The following SCGB2B2 variants were observed in gnomAD, a reference collection of about 807,000 sequenced individuals.
SCGB2B2 encodes the protein secretoglobin family 2B member 2, also known as secretoglobin-like protein.
SCGB2B2 carries 11 observed loss-of-function variants against 7.6 expected under a neutral mutation model. The observed-to-expected ratio is 1.45, with a 90% confidence interval of 0.91 to 2.40. SCGB2B2 has a LOEUF of 2.40. Among genes scored for constraint, SCGB2B2 ranks in the 30% most tolerant of loss-of-function variants. The pLI is 0.00. For missense variants in SCGB2B2, 104 were observed against 115.4 expected (o/e 0.90, Z 0.45); for synonymous variants, 50 against 48.6 (o/e 1.03, Z -0.12).
In SCGB2B2 at chr19:34,591,936, G is replaced by C. The variant is rs2065306686; in HGVS notation, c.*1619C>G. Reference sequence around the variant, plus strand: ...TCTTCACCTTGGATGTGAACTTCAGGGAAGCAGGGCCGTCACCTGCCTTGT... The same window carrying C: ...TCTTCACCTTGGATGTGAACTTCAGCGAAGCAGGGCCGTCACCTGCCTTGT... On this transcript the variant is annotated 3_prime_UTR_variant, in exon 4 of 4. Coordinates refer to ENST00000601241, the MANE Select transcript of SCGB2B2 (RefSeq NM_001025591.4). Among the ~76,000 whole-genome samples, 3 of 152,208 alleles carry C rather than the reference G, an allele frequency of 2.0e-5. No homozygotes were observed. The highest frequency in any genetic ancestry group is 7.2e-5 in the African/African-American group (3 of 41,454).
chr19:34,659,864 C>A (rs1225301609), intron 1 of SCGB2B2, among the ~76,000 whole-genome samples: 1 of 152,166 alleles, frequency 6.6e-6, no homozygotes, highest in African/African-American at 2.4e-5. Context: ...AAGATGGAGG[C>A]ATCATGCTAC....
At chr19:34,639,339 C>T (rs1217474468) in intron 1 of SCGB2B2, among the ~76,000 whole-genome samples, 1 of 152,164 alleles carries the variant, frequency 6.6e-6, no homozygotes, top group Admixed American at 6.5e-5. Flanking sequence ...ACTTGTTTTC[C>T]TACACTTGCT....
chr19:34,601,755 A>G (rs962258296), intron 1 of SCGB2B2, among the ~76,000 whole-genome samples: 5 of 152,152 alleles, frequency 3.3e-5, no homozygotes, highest in Admixed American at 6.5e-5. Context: ...TCTAATGCCT[A>G]TTTGTTTATT....
intron 1 of SCGB2B2, among the ~76,000 whole-genome samples, chr19:34,653,980 G>GAAAA (rs386388914): frequency 2.0e-5 from 3 of 147,594 alleles, no homozygotes; most frequent in Non-Finnish European, 4.5e-5. Flanking sequence ...AACGAGGCAA[G>GAAAA]AAAAAAAAAG....
intron 1 of SCGB2B2, chr19:34,640,599 T>A (rs1009345250): frequency 3.9e-5 from 6 of 152,248 alleles, no homozygotes; most frequent in African/African-American, 7.2e-5. Context: ...TTTTTTTAAC[T>A]CTGGTAAAAT....
rs563618347 is a variant in SCGB2B2, at chr19:34,654,920, T to C, written c.-2032+20710A>G. ...AATGCCACGGTCTCCCTGAATTGAT[T>C]TGTTTGTGCAGCAGGCAGGAAGAAT... On this transcript the variant is annotated intron_variant, in intron 1 of 3. Transcript: ENST00000601241. 1.2e-4 allele frequency among the ~76,000 whole-genome samples: 18 copies of C among 151,364 alleles called. 1 individual carries two copies. Among genetic ancestry groups the C allele is most frequent in the African/African-American group, 4.4e-4 (18 of 40,662 alleles).
At chr19:34,604,732 T>C (rs767886144) in intron 1 of SCGB2B2, among the ~76,000 whole-genome samples, 1 of 152,234 alleles carries the variant, frequency 6.6e-6, no homozygotes, top group African/African-American at 2.4e-5. Context: ...CTCTAATACA[T>C]GGTCAATTTT....
At position 34,594,876 on chromosome 19, in the gene SCGB2B2, A is replaced by G; in HGVS notation, c.-313T>C. ...TGGGAGCAGGCTGAACACTGGTGTA[A>G]GCCTGCAAGTCTGAGTGTGCATGCA... On this transcript the variant is annotated 5_prime_UTR_variant, in exon 2 of 4. Coordinates refer to ENST00000601241, the MANE Select transcript of SCGB2B2 (RefSeq NM_001025591.4). The G allele has an allele frequency of 2.4e-6, 1 of 419,664 alleles. No individual in the cohort carries two copies. The highest frequency in any genetic ancestry group is 2.4e-5 in the South Asian group (1 of 41,340). 26.0% of individuals were successfully genotyped at this position (419,664 alleles called of 1,614,324 possible).
rs372011049 is a variant in SCGB2B2, at chr19:34,625,325, A to G, written c.-2031-28731T>C. Among the ~76,000 whole-genome samples, 15 of 152,336 alleles carry G rather than the reference A, an allele frequency of 9.8e-5. No homozygotes were observed. In the East Asian group the frequency reaches 1.9e-3, roughly 20 times the overall value. On this transcript the variant is annotated intron_variant, in intron 1 of 3. Transcript: ENST00000601241. ...GTGAGACGAAGCAGGGCGAGGCATC[A>G]TCTCATCCGGGAAGCACAAGGGGTC...
At chr19:34,669,529 C>T (rs2067740546) in intron 1 of SCGB2B2, among the ~76,000 whole-genome samples, 1 of 152,216 alleles carries the variant, frequency 6.6e-6, no homozygotes, top group African/African-American at 2.4e-5. Flanking sequence ...CACACATGGA[C>T]CTGCAGGCTG....
chr19:34,660,286 G>T (rs543430403), intron 1 of SCGB2B2, among the ~76,000 whole-genome samples: 1 of 152,248 alleles, frequency 6.6e-6, no homozygotes, highest in Admixed American at 6.5e-5. Context: ...AGACAAATGG[G>T]ATCTAATTGA....
chr19:34,597,946 G>A (rs895039586), intron 1 of SCGB2B2, among the ~76,000 whole-genome samples: 2 of 152,104 alleles, frequency 1.3e-5, no homozygotes, highest in African/African-American at 4.8e-5. Context: ...AGGATAGAGA[G>A]TCCTGGAGAA....
intron 1 of SCGB2B2, chr19:34,637,593 A>T (rs1291594266): frequency 5.8e-6 from 1 of 171,090 alleles, no homozygotes; most frequent in Non-Finnish European, 1.4e-5. Flanking sequence ...TCATCATGAG[A>T]CAGGCAAAAT....
chr19:34,600,038 GTTTTT>G (rs113461309), intron 1 of SCGB2B2, among the ~76,000 whole-genome samples: 1 of 151,318 alleles, frequency 6.6e-6, no homozygotes, highest in Non-Finnish European at 1.5e-5. Context: ...TGATTTTATG[GTTTTT>G]TTTTATTATA....
intron 1 of SCGB2B2, among the ~76,000 whole-genome samples, chr19:34,619,866 T>C (rs2066191507): frequency 6.6e-6 from 1 of 152,204 alleles, no homozygotes; most frequent in Non-Finnish European, 1.5e-5. Context: ...TGTCCCTTTT[T>C]TAGACCCAAG....
intron 1 of SCGB2B2, among the ~76,000 whole-genome samples, chr19:34,667,094 G>T (rs1013385936): frequency 1.3e-5 from 2 of 151,952 alleles, no homozygotes. Flanking sequence ...CCTCCTCACA[G>T]CCCTTGACCT....
At chr19:34,670,723 G>A (rs2067781192) in intron 1 of SCGB2B2, among the ~76,000 whole-genome samples, 1 of 152,150 alleles carries the variant, frequency 6.6e-6, no homozygotes, top group Non-Finnish European at 1.5e-5. Context: ...TAGCAGAAAT[G>A]TTTACTGTTG....
At chr19:34,625,446 T>G (rs1344745621) in intron 1 of SCGB2B2, among the ~76,000 whole-genome samples, 1 of 152,204 alleles carries the variant, frequency 6.6e-6, no homozygotes, top group African/African-American at 2.4e-5. Flanking sequence ...CCAATGGTCT[T>G]AGCAAACTGC....
chr19:34,602,664 C>T (rs2065660692), intron 1 of SCGB2B2, among the ~76,000 whole-genome samples: 1 of 152,206 alleles, frequency 6.6e-6, no homozygotes, highest in South Asian at 2.1e-4. Flanking sequence ...TTGACAGTAG[C>T]TGCACCCCTC....
Sources: allele counts gnomAD v4.1 joint callset (sites outside exome capture counted in the v4.1 genomes callset), GRCh38; gene constraint gnomAD v4.1.1; transcripts MANE v1.5; gene names NCBI Gene and HGNC (gene_info 2026-07-23, HGNC 2026-07-21).